The following SHISA9 variants were observed in gnomAD, a reference collection of about 807,000 sequenced individuals.
SHISA9 encodes the protein protein shisa-9.
In SHISA9, 13 loss-of-function variants were observed where a neutral mutation model predicts 38.0. That is an observed-to-expected ratio of 0.34 (90% CI 0.22 to 0.54). The LOEUF is 0.54. Ranked by LOEUF, SHISA9 falls within the 20% of genes least tolerant of loss-of-function variation. SHISA9 has a pLI of 0.91. For missense variants in SHISA9, 538 were observed against 575.8 expected (o/e 0.93, Z 0.67); for synonymous variants, 275 against 242.0 (o/e 1.14, Z -1.27).
At chr16:13,034,480 G>T (rs2073029800) in intron 2 of SHISA9, among the ~76,000 whole-genome samples, 1 of 152,218 alleles carries the variant, frequency 6.6e-6, no homozygotes, top group Non-Finnish European at 1.5e-5. Flanking sequence ...TAGTCCAGAA[G>T]AAGCAACATC....
chr16:13,307,059 C>A, the SHISA9 span, among the ~76,000 whole-genome samples: 22 of 152,194 alleles, frequency 1.4e-4, no homozygotes, highest in Non-Finnish European at 3.2e-4. Context: ...ATAAAAATAT[C>A]ATAGGCTTTG....
intron 2 of SHISA9, among the ~76,000 whole-genome samples, chr16:13,202,885 C>G (rs895488732): frequency 1.3e-5 from 2 of 152,190 alleles, no homozygotes; most frequent in African/African-American, 4.8e-5. Context: ...CATTTCAATA[C>G]TCAGTGCCTG....
chr16:13,421,758 TC>T, the SHISA9 span, among the ~76,000 whole-genome samples: 1 of 152,226 alleles, frequency 6.6e-6, no homozygotes, highest in South Asian at 2.1e-4. Context: ...CAAATATTAG[TC>T]CTCTTCCCCT....
chr16:12,916,180 C>A (rs2071254220), intron 1 of SHISA9, among the ~76,000 whole-genome samples: 1 of 152,038 alleles, frequency 6.6e-6, no homozygotes, highest in Non-Finnish European at 1.5e-5. Context: ...CCTCTCTGAG[C>A]CTTTGTTTAC....
the SHISA9 span, among the ~76,000 whole-genome samples, chr16:13,451,522 AC>A: frequency 6.6e-6 from 1 of 152,242 alleles, no homozygotes; most frequent in Non-Finnish European, 1.5e-5. Context: ...TGGAGGGATT[AC>A]TTTTAGATAT....
chr16:13,228,127 G>A lies in SHISA9; in HGVS notation c.896-6903G>A, dbSNP rs534879681. 3.9e-5 allele frequency among the ~76,000 whole-genome samples: 6 copies of A among 152,314 alleles called. No homozygotes were observed. In the East Asian group the frequency reaches 1.2e-3, roughly 29 times the overall value. On this transcript the variant is annotated intron_variant, in intron 4 of 4. Transcript: ENST00000558583. The stretch of plus-strand genomic sequence containing the variant: ...ACACCTAAGGAAACAGGCATAAATG[G>A]TTAAGTGGTGTTCCCAAGGTCTCAT...
At chr16:13,363,671 C>A in the SHISA9 span, among the ~76,000 whole-genome samples, 2 of 152,164 alleles carry the variant, frequency 1.3e-5, no homozygotes, top group African/African-American at 4.8e-5. Context: ...AGGTAGAGCT[C>A]CAGAGACAAG....
At chr16:13,069,846 G>A (rs73518738) in intron 2 of SHISA9, among the ~76,000 whole-genome samples, 3,086 of 152,172 alleles carry the variant, frequency 0.02, 113 homozygotes, top group African/African-American at 0.071. Flanking sequence ...AGATCCCTTG[G>A]CCCTTCTGCC....
At chr16:13,120,721 G>A (rs563534014) in intron 2 of SHISA9, among the ~76,000 whole-genome samples, 2 of 152,286 alleles carry the variant, frequency 1.3e-5, no homozygotes, top group South Asian at 4.1e-4. Context: ...TGTCTTCTTA[G>A]AGGAAGAATG....
At chr16:13,126,377 G>A (rs557400895) in intron 2 of SHISA9, among the ~76,000 whole-genome samples, 1 of 152,060 alleles carries the variant, frequency 6.6e-6, no homozygotes, top group South Asian at 2.1e-4. Context: ...CATTGCATAA[G>A]GTCAGGCAAA....
At chr16:13,177,205 C>T (rs1474850443) in intron 2 of SHISA9, among the ~76,000 whole-genome samples, 3 of 152,220 alleles carry the variant, frequency 2.0e-5, no homozygotes, top group African/African-American at 7.2e-5. Flanking sequence ...AACATATTAG[C>T]AGCTCACTTA....
At chr16:12,938,995 C>A (rs972462655) in intron 2 of SHISA9, among the ~76,000 whole-genome samples, 1 of 152,120 alleles carries the variant, frequency 6.6e-6, no homozygotes, top group Admixed American at 6.6e-5. Flanking sequence ...TGAGTTAGTA[C>A]ATTCAGATGA....
chr16:13,522,545 A>G, the SHISA9 span, among the ~76,000 whole-genome samples: 1 of 152,084 alleles, frequency 6.6e-6, no homozygotes, highest in East Asian at 1.9e-4. Flanking sequence ...GCCAGCTGTC[A>G]TTCCACCTGT....
chr16:13,286,197 A>G, the SHISA9 span, among the ~76,000 whole-genome samples: 4 of 152,174 alleles, frequency 2.6e-5, 1 homozygote, highest in East Asian at 1.9e-4. Context: ...GATGTGTCAT[A>G]TCTCCCTAAA....
At chr16:12,916,861 G>A (rs1184063805) in intron 2 of SHISA9, 46 bp downstream of exon 2, 2 of 1,536,422 alleles carry the variant, frequency 1.3e-6, no homozygotes, top group African/African-American at 2.8e-5. Flanking sequence ...GGGGTGACCT[G>A]AGCAGTGGTC....
rs2051190663 is a variant in SHISA9 at position 13,218,302 on chromosome 16, T to C, written c.895+5002T>C. The stretch of plus-strand genomic sequence containing the variant: ...AACATCTGAGTGTCGTGTCCCAGTA[T>C]TCATTTTTAAAATGCACCTCCTGGG... On this transcript the variant is annotated intron_variant, in intron 4 of 4. Transcript: ENST00000558583. Among the ~76,000 whole-genome samples the C allele has an allele frequency of 5.9e-5, 9 of 152,116 alleles. No individual in the cohort carries two copies. In the South Asian group the frequency reaches 1.9e-3, roughly 32 times the overall value.
intron 2 of SHISA9, among the ~76,000 whole-genome samples, chr16:13,058,002 T>A (rs1396525479): frequency 1.3e-5 from 2 of 152,188 alleles, no homozygotes; most frequent in African/African-American, 4.8e-5. Context: ...TATGGCTGTA[T>A]AATATTCCAT....
At chr16:13,470,616 A>G in the SHISA9 span, among the ~76,000 whole-genome samples, 12 of 152,234 alleles carry the variant, frequency 7.9e-5, no homozygotes, top group South Asian at 2.1e-4. Context: ...CCGTGATTCA[A>G]TTATCTCCAT....
chr16:13,088,450 G>C (rs1251528035), intron 2 of SHISA9, among the ~76,000 whole-genome samples: 1 of 152,142 alleles, frequency 6.6e-6, no homozygotes, highest in Non-Finnish European at 1.5e-5. Flanking sequence ...CCATGAGCTT[G>C]GAATATTCTT....
Sources: allele counts gnomAD v4.1 joint callset (sites outside exome capture counted in the v4.1 genomes callset), GRCh38; gene constraint gnomAD v4.1.1; transcripts MANE v1.5; gene names NCBI Gene and HGNC (gene_info 2026-07-23, HGNC 2026-07-21).